Variants in FKTN observed in about 807,000 individuals in gnomAD.
FKTN encodes fukutin, also known as ribitol-5-phosphate transferase FKTN.
Under a neutral mutation model 58.6 loss-of-function variants are expected in FKTN, and 47 were observed. The ratio of observed to expected loss-of-function variants is 0.80; its 90% CI spans 0.63 to 1.02. The LOEUF (loss-of-function observed/expected upper bound fraction) is 1.02. Ranked by LOEUF, FKTN falls within the 50% of genes least tolerant of loss-of-function variation. The pLI is 0.00. For missense variants in FKTN, 516 were observed against 537.3 expected (o/e 0.96, Z 0.39); for synonymous variants, 178 against 191.9 (o/e 0.93, Z 0.60).
In FKTN at chr9:105,601,126, T is replaced by C; in HGVS notation, c.166-19T>C. The stretch of plus-strand genomic sequence containing the variant: ...TGTTGGCTTACTGGAATTACGAGAA[T>C]TCTTTTTCTCTCAAACAGCGTGCAG... On this transcript the variant is annotated intron_variant, in intron 4 of 10. Coordinates refer to ENST00000357998, the MANE Select transcript of FKTN (RefSeq NM_001079802.2). 1 of 1,420,746 alleles carries C rather than the reference T, an allele frequency of 7.0e-7. No individual in the cohort carries two copies. The highest frequency in any genetic ancestry group is 9.9e-7 in the Non-Finnish European group (1 of 1,007,926). The allele number at this position is 1,420,746 out of a possible 1,614,324, so 88.0% of individuals were successfully genotyped here. A position where few individuals can be genotyped will look rare whatever the true frequency, so the allele number is the denominator to read the frequency against.
intron 1 of FKTN, 35 bp downstream of exon 1, chr9:105,558,200 A>T (rs1365779153): frequency 6.6e-6 from 1 of 151,968 alleles, no homozygotes; most frequent in East Asian, 1.9e-4. Context: ...GTACCCGGGG[A>T]TGGGTGGGCG....
At position 105,567,631 on chromosome 9, in the gene FKTN, G is replaced by A. The variant is rs189733579; in HGVS notation, c.-180-6024G>A. The stretch of plus-strand genomic sequence containing the variant: ...GGAGAAGTACAAACCACTGCTCAAC[G>A]AAATAAAAGAGGACACAAACAAATG... On this transcript the variant is annotated intron_variant, in intron 1 of 10. Transcript: ENST00000357998. 9.1e-3 allele frequency among the ~76,000 whole-genome samples: 1,383 copies of A among 152,266 alleles called. 22 individuals carry two copies. Among genetic ancestry groups the A allele is most frequent in the African/African-American group, 0.032 (1,321 of 41,554 alleles).
chr9:105,560,824 C>T (rs1026767159), intron 1 of FKTN, among the ~76,000 whole-genome samples: 6 of 152,260 alleles, frequency 3.9e-5, no homozygotes, highest in African/African-American at 1.4e-4. Context: ...CACGGTGGCT[C>T]ACGTCTGTAA....
intron 3 of FKTN, among the ~76,000 whole-genome samples, chr9:105,586,494 G>A (rs1362846083): frequency 6.6e-6 from 1 of 152,138 alleles, no homozygotes; most frequent in African/African-American, 2.4e-5. Context: ...AATTGTGTGT[G>A]TTCATTTAAT....
intron 3 of FKTN, among the ~76,000 whole-genome samples, chr9:105,576,145 CT>C (rs5899668): frequency 0.24 from 28,421 of 119,610 alleles, 2,938 homozygotes; most frequent in African/African-American, 0.33. Flanking sequence ...TGAAACTTTT[CT>C]TTTTTTTTTT....
intron 6 of FKTN, among the ~76,000 whole-genome samples, chr9:105,605,285 A>G (rs1178340425): frequency 1.3e-5 from 2 of 152,278 alleles, no homozygotes; most frequent in East Asian, 3.9e-4. Flanking sequence ...ATAAGACAGT[A>G]TATTGATTTT....
At chr9:105,571,853 A>T (rs1041778037) in intron 1 of FKTN, among the ~76,000 whole-genome samples, 1 of 152,208 alleles carries the variant, frequency 6.6e-6, no homozygotes, top group Non-Finnish European at 1.5e-5. Context: ...AATGCTCCAA[A>T]ATCTGCAACT....
At position 105,638,757 on chromosome 9, in the gene FKTN, T is replaced by G; in HGVS notation, c.*3493T>G. The G allele has an allele frequency of 1.0e-6, 1 of 973,542 alleles. No individual in the cohort carries two copies. The highest frequency in any genetic ancestry group is 1.8e-5 in the African/African-American group (1 of 57,126). The allele number at this position is 973,542 out of a possible 1,614,324, so 60.3% of individuals were successfully genotyped here. A position where few individuals can be genotyped will look rare whatever the true frequency, so the allele number is the denominator to read the frequency against. On this transcript the variant is annotated 3_prime_UTR_variant, in exon 11 of 11. Coordinates refer to ENST00000357998, the MANE Select transcript of FKTN (RefSeq NM_001079802.2). The stretch of plus-strand genomic sequence containing the variant: ...TTTTTAGTATTTAAACTACTTTTAA[T>G]TATTTATATTGATACTCTCTGATAA...
chr9:105,566,879 C>T (rs938906382), intron 1 of FKTN, among the ~76,000 whole-genome samples: 70 of 152,032 alleles, frequency 4.6e-4, no homozygotes, highest in African/African-American at 1.4e-3. Flanking sequence ...TGATGAACAT[C>T]GATGCAAAAA....
At chr9:105,581,595 C>G (rs1842925268) in intron 3 of FKTN, among the ~76,000 whole-genome samples, 1 of 152,082 alleles carries the variant, frequency 6.6e-6, no homozygotes, top group Non-Finnish European at 1.5e-5. Flanking sequence ...ACATTGAAGT[C>G]TGCAGAGGTT....
At chr9:105,626,276 G>A (rs1359231926) in intron 10 of FKTN, among the ~76,000 whole-genome samples, 2 of 152,258 alleles carry the variant, frequency 1.3e-5, no homozygotes, top group East Asian at 3.9e-4. Context: ...CATAAACTGG[G>A]TGGCTCATAA....
chr9:105,606,380 T>A (rs542410758), intron 6 of FKTN, among the ~76,000 whole-genome samples: 12 of 152,138 alleles, frequency 7.9e-5, no homozygotes, highest in African/African-American at 2.9e-4. Flanking sequence ...AAGGAACTCA[T>A]GTAAAATTTG....
chr9:105,590,486 A>G (rs962213130), intron 3 of FKTN, among the ~76,000 whole-genome samples: 1 of 152,194 alleles, frequency 6.6e-6, no homozygotes, highest in Non-Finnish European at 1.5e-5. Flanking sequence ...AGTAATTTAC[A>G]CAAGAGATGA....
At chr9:105,628,858 G>A (rs1233781439) in intron 10 of FKTN, among the ~76,000 whole-genome samples, 1 of 152,194 alleles carries the variant, frequency 6.6e-6, no homozygotes, top group Non-Finnish European at 1.5e-5. Context: ...AATTGCACAG[G>A]AAAAACCAAC....
rs758166890 is a variant in FKTN at position 105,604,360 on chromosome 9, A to C, written c.515A>C (p.His172Pro). 1 of 1,614,156 alleles carries C rather than the reference A, an allele frequency of 6.2e-7. No individual in the cohort carries two copies. Among genetic ancestry groups the C allele is most frequent in the South Asian group, 1.1e-5 (1 of 91,082 alleles). Residue 172 changes from histidine (H) to proline (P), a missense_variant, in exon 6 of 11, where the codon CAC (histidine) becomes CCC (proline). By Grantham distance (77) the His-to-Pro change is moderately conservative. Transcript: ENST00000357998. Reference sequence around the variant, plus strand: ...TGCAAACTGGCCACTCATGCGATCCACTTGGTAGTCTTTCATGAGAGGAGT... The same window carrying C: ...TGCAAACTGGCCACTCATGCGATCCCCTTGGTAGTCTTTCATGAGAGGAGT... The part of the protein sequence containing the change: ...YICKLATHAI[H>P]LVVFHERSGN...
intron 8 of FKTN, among the ~76,000 whole-genome samples, chr9:105,616,190 G>T (rs76000373): frequency 0.019 from 2,852 of 152,298 alleles, 84 homozygotes; most frequent in African/African-American, 0.064. Flanking sequence ...CAAAACCACG[G>T]ATATGGCAGG....
At chr9:105,587,842 TAATA>T (rs971577219) in intron 3 of FKTN, among the ~76,000 whole-genome samples, 1 of 152,192 alleles carries the variant, frequency 6.6e-6, no homozygotes, top group Admixed American at 6.5e-5. Flanking sequence ...AGTGATTCAC[TAATA>T]AATCTAAGAA....
intron 3 of FKTN, among the ~76,000 whole-genome samples, chr9:105,579,201 C>T (rs1234479379): frequency 6.6e-6 from 1 of 152,128 alleles, no homozygotes; most frequent in Non-Finnish European, 1.5e-5. Context: ...TTCTTGCCTT[C>T]TGTTAGCTTT....
At chr9:105,621,616 A>G (rs1020570737) in intron 10 of FKTN, among the ~76,000 whole-genome samples, 4 of 152,088 alleles carry the variant, frequency 2.6e-5, no homozygotes, top group African/African-American at 9.7e-5. Flanking sequence ...TTCCGAGACA[A>G]ACATATGCTC....
Sources: gnomAD v4.1 joint callset for allele counts (sites outside exome capture counted in the v4.1 genomes callset) on GRCh38, gnomAD v4.1.1 for gene constraint, MANE v1.5 for transcripts, NCBI Gene and HGNC (gene_info 2026-07-23, HGNC 2026-07-21) for gene names.